PLCE1: variants seen among roughly 807,000 people sequenced by gnomAD.
The protein encoded by PLCE1 is phospholipase C epsilon 1, also known as 1-phosphatidylinositol 4,5-bisphosphate phosphodiesterase epsilon-1.
Under a neutral mutation model 242.8 loss-of-function variants are expected in PLCE1, and 119 were observed. The observed-to-expected ratio is 0.49, with a 90% CI of 0.42 to 0.57. The LOEUF is 0.57. PLCE1 is among the 20% of genes least tolerant of loss of function. The pLI, the probability that PLCE1 is intolerant of heterozygous loss-of-function variation, is 0.00. For synonymous variants in PLCE1, 945 were observed against 1,017.4 expected, an observed-to-expected ratio of 0.93 and a Z score of 1.35; for missense variants, 2,441 against 2,788.8, an observed-to-expected ratio of 0.88 and a Z score of 2.81.
chr10:94,163,883 C>G (rs1366569345), intron 3 of PLCE1, among the ~76,000 whole-genome samples: 2 of 151,408 alleles, frequency 1.3e-5, no homozygotes, highest in Admixed American at 6.6e-5. Flanking sequence ...ATTTGCTTAT[C>G]TGTATTTTAT....
chr10:94,053,417 A>G (rs1283605149), intron 2 of PLCE1, among the ~76,000 whole-genome samples: 2 of 152,224 alleles, frequency 1.3e-5, no homozygotes, highest in Non-Finnish European at 2.9e-5. Flanking sequence ...TTTATGTCTG[A>G]GCAAATATTT....
chr10:94,098,900 C>T (rs1363934794), intron 2 of PLCE1, among the ~76,000 whole-genome samples: 1 of 152,172 alleles, frequency 6.6e-6, no homozygotes, highest in African/African-American at 2.4e-5. Context: ...AGCTGAGTGC[C>T]AGGCTGTGCA....
intron 3 of PLCE1, chr10:94,137,810 CA>C: frequency 4.6e-6 from 1 of 219,706 alleles, no homozygotes; most frequent in Non-Finnish European, 9.2e-6. Context: ...GAATGTTGGA[CA>C]AAGCCACCCA....
intron 2 of PLCE1, chr10:94,099,847 G>T (rs146161478): frequency 5.9e-5 from 9 of 152,146 alleles, no homozygotes; most frequent in Non-Finnish European, 1.0e-4. Context: ...ATTCTAGGAT[G>T]GGGGAGCAGC....
chr10:93,995,287 G>T (rs2060799367), intron 1 of PLCE1, among the ~76,000 whole-genome samples: 1 of 152,198 alleles, frequency 6.6e-6, no homozygotes, highest in African/African-American at 2.4e-5. Context: ...GTCTGATGGT[G>T]TTGTCATCTA....
chr10:94,260,146 T>C (rs1178204149), intron 13 of PLCE1, among the ~76,000 whole-genome samples: 1 of 152,192 alleles, frequency 6.6e-6, no homozygotes, highest in Non-Finnish European at 1.5e-5. Flanking sequence ...TGTGTCACAG[T>C]GGAGAACCCC....
chr10:94,187,185 T>TGC (rs2048507838), intron 4 of PLCE1, among the ~76,000 whole-genome samples: 1 of 145,198 alleles, frequency 6.9e-6, no homozygotes, highest in Non-Finnish European at 1.5e-5. Context: ...TGTGTGTGCG[T>TGC]GCACACACAT....
At chr10:94,166,109 G>A (rs535551468) in intron 3 of PLCE1, among the ~76,000 whole-genome samples, 8 of 152,214 alleles carry the variant, frequency 5.3e-5, no homozygotes, top group African/African-American at 1.9e-4. Context: ...GGTGTTCACT[G>A]GACAGATATG....
At chr10:94,256,146 A>T (rs527904691) in intron 11 of PLCE1, among the ~76,000 whole-genome samples, 3 of 151,690 alleles carry the variant, frequency 2.0e-5, no homozygotes, top group Admixed American at 1.3e-4. Context: ...GAGCAACAGA[A>T]ACCCCATCTC....
chr10:94,190,992 T>C (rs1460550830), intron 4 of PLCE1, among the ~76,000 whole-genome samples: 1 of 152,026 alleles, frequency 6.6e-6, no homozygotes, highest in Non-Finnish European at 1.5e-5. Context: ...ACATGGCAGA[T>C]CATAAAAGGA....
chr10:94,154,002 T>G (rs1006968716), intron 3 of PLCE1, among the ~76,000 whole-genome samples: 7 of 152,188 alleles, frequency 4.6e-5, no homozygotes, highest in Non-Finnish European at 1.0e-4. Flanking sequence ...ACCTGTCTTT[T>G]TTGCAGAAAT....
intron 2 of PLCE1, among the ~76,000 whole-genome samples, chr10:94,043,572 C>A (rs1044704153): frequency 2.6e-5 from 4 of 152,150 alleles, no homozygotes; most frequent in Admixed American, 6.5e-5. Flanking sequence ...AGTTGGAAAG[C>A]CCCATAGCTT....
At chr10:94,083,395 GC>G (rs957009521) in intron 2 of PLCE1, among the ~76,000 whole-genome samples, 6 of 152,058 alleles carry the variant, frequency 3.9e-5, no homozygotes, top group African/African-American at 1.4e-4. Context: ...TTTTTTTGGG[GC>G]CCACAACATA....
intron 11 of PLCE1, among the ~76,000 whole-genome samples, chr10:94,256,927 G>A (rs541271428): frequency 1.3e-5 from 2 of 152,268 alleles, no homozygotes; most frequent in Admixed American, 1.3e-4. Context: ...TAGAATCAAA[G>A]GGAGATGGGT....
chr10:94,227,207 C>A (rs2137175340), intron 4 of PLCE1, 99 bp from the exon 5 acceptor site: 2 of 1,170,136 alleles, frequency 1.7e-6, no homozygotes, highest in Middle Eastern at 1.9e-4. Flanking sequence ...TTCCTAATAC[C>A]AAATTGATAT....
chr10:94,056,180 G>T (rs1459090783), intron 2 of PLCE1, among the ~76,000 whole-genome samples: 8 of 152,096 alleles, frequency 5.3e-5, no homozygotes, highest in Admixed American at 3.3e-4. Context: ...TTTTAAAAAT[G>T]CAGCCTCTTG....
intron 20 of PLCE1, among the ~76,000 whole-genome samples, chr10:94,280,800 GCCCC>G (rs1221860944): frequency 4.6e-5 from 7 of 152,156 alleles, no homozygotes; most frequent in Non-Finnish European, 5.9e-5. Context: ...AGACAACTGA[GCCCC>G]CTCCTCCAAA....
chr10:94,241,514 G>A (rs936725592), intron 7 of PLCE1, among the ~76,000 whole-genome samples: 1 of 152,170 alleles, frequency 6.6e-6, no homozygotes, highest in African/African-American at 2.4e-5. Flanking sequence ...CCCCTTGGCC[G>A]GGCATGGTGG....
At chr10:94,141,933 C>CA (rs1055392704) in intron 3 of PLCE1, among the ~76,000 whole-genome samples, 3 of 151,886 alleles carry the variant, frequency 2.0e-5, no homozygotes, top group African/African-American at 4.8e-5. Context: ...ACACTGCATC[C>CA]AAAAAAACAA....
Sources: gnomAD v4.1 joint callset for allele counts (sites outside exome capture counted in the v4.1 genomes callset) on GRCh38, gnomAD v4.1.1 for gene constraint, MANE v1.5 for transcripts, NCBI Gene and HGNC (gene_info 2026-07-23, HGNC 2026-07-21) for gene names.